The following SAMD3 variants were observed in gnomAD, a reference collection of about 807,000 sequenced individuals.
The protein encoded by SAMD3 is sterile alpha motif domain containing 3, also known as sterile alpha motif domain-containing protein 3.
In SAMD3, 63 loss-of-function variants were observed where a neutral mutation model predicts 58.5. The ratio of observed to expected loss-of-function variants is 1.08; its 90% confidence interval spans 0.88 to 1.33. The LOEUF (loss-of-function observed/expected upper bound fraction) is 1.33, where lower values mean the gene tolerates loss of function less well. SAMD3 is among the 40% of genes most tolerant of loss of function. The pLI is 0.00. For synonymous variants in SAMD3, 220 were observed against 210.3 expected (o/e 1.05, Z -0.40); for missense variants, 604 against 608.4 (o/e 0.99, Z 0.08).
intron 8 of SAMD3, among the ~76,000 whole-genome samples, chr6:130,172,336 G>A (rs1396409854): frequency 6.6e-6 from 1 of 152,148 alleles, no homozygotes; most frequent in African/African-American, 2.4e-5. Context: ...TTTTGCAGTG[G>A]CTGGTACCAG....
intron 1 of SAMD3, among the ~76,000 whole-genome samples, chr6:130,339,136 T>G (rs1777189363): frequency 6.6e-6 from 1 of 152,128 alleles, no homozygotes; most frequent in African/African-American, 2.4e-5. Context: ...AAGCTCCACC[T>G]CCCAGGTTCA....
intron 2 of SAMD3, among the ~76,000 whole-genome samples, chr6:130,304,439 G>T (rs578261048): frequency 5.9e-5 from 9 of 152,174 alleles, no homozygotes; most frequent in Admixed American, 1.3e-4. Flanking sequence ...CAAAGTGCTG[G>T]GTGAAGTGCC....
intron 5 of SAMD3, among the ~76,000 whole-genome samples, chr6:130,187,329 G>A (rs1793095662): frequency 6.6e-6 from 1 of 151,562 alleles, no homozygotes; most frequent in African/African-American, 2.4e-5. Flanking sequence ...TTCAGTGTCG[G>A]GGCGGAGACT....
intron 8 of SAMD3, among the ~76,000 whole-genome samples, chr6:130,158,404 A>G (rs927124052): frequency 3.9e-5 from 6 of 152,204 alleles, no homozygotes; most frequent in Admixed American, 3.3e-4. Context: ...GAGCCATGGA[A>G]ACAACAGAGA....
At chr6:130,297,717 C>G (rs932950408) in intron 2 of SAMD3, among the ~76,000 whole-genome samples, 1 of 152,100 alleles carries the variant, frequency 6.6e-6, no homozygotes, top group Non-Finnish European at 1.5e-5. Flanking sequence ...TAGAAACATT[C>G]CCTAAAGGAT....
intron 2 of SAMD3, among the ~76,000 whole-genome samples, chr6:130,301,919 C>T (rs1775761304): frequency 6.6e-6 from 1 of 152,056 alleles, no homozygotes; most frequent in South Asian, 2.1e-4. Context: ...AACTGGACCC[C>T]CACCTCTCAC....
At chr6:130,235,155 C>T (rs904597815) in intron 2 of SAMD3, among the ~76,000 whole-genome samples, 1 of 152,112 alleles carries the variant, frequency 6.6e-6, no homozygotes, top group Non-Finnish European at 1.5e-5. Flanking sequence ...TTTAAATTGA[C>T]AAATTGAGTT....
intron 2 of SAMD3, among the ~76,000 whole-genome samples, chr6:130,298,003 G>A (rs1775625731): frequency 6.6e-6 from 1 of 152,142 alleles, no homozygotes; most frequent in South Asian, 2.1e-4. Flanking sequence ...TGCTAGAGAA[G>A]TCAACATCCA....
At chr6:130,264,596 G>T (rs1299646111) in intron 2 of SAMD3, among the ~76,000 whole-genome samples, 5 of 152,154 alleles carry the variant, frequency 3.3e-5, no homozygotes, top group Non-Finnish European at 7.3e-5. Flanking sequence ...CCCCTTATGG[G>T]TCTTTCAACT....
At chr6:130,358,481 CTG>C (rs1225089601) in intron 1 of SAMD3, among the ~76,000 whole-genome samples, 1 of 152,250 alleles carries the variant, frequency 6.6e-6, no homozygotes, top group African/African-American at 2.4e-5. Flanking sequence ...CTTCCAAAAT[CTG>C]TCATTTATCA....
chr6:130,212,496 T>C (rs541469268), intron 4 of SAMD3, among the ~76,000 whole-genome samples: 60 of 152,320 alleles, frequency 3.9e-4, no homozygotes, highest in Middle Eastern at 3.4e-3. Context: ...TATTTCAGTC[T>C]AGGAGAAAAA....
chr6:130,242,057 T>C (rs1773377504), intron 2 of SAMD3, among the ~76,000 whole-genome samples: 1 of 152,182 alleles, frequency 6.6e-6, no homozygotes, highest in South Asian at 2.1e-4. Flanking sequence ...CTACCAAACA[T>C]ACTACCGCCA....
intron 8 of SAMD3, among the ~76,000 whole-genome samples, chr6:130,158,012 G>T (rs1789947408): frequency 6.6e-6 from 1 of 151,654 alleles, no homozygotes; most frequent in Admixed American, 6.6e-5. Flanking sequence ...AACAAAAAAT[G>T]TGGAAGACTT....
At chr6:130,325,595 T>A (rs1347262769) in intron 1 of SAMD3, among the ~76,000 whole-genome samples, 1 of 152,182 alleles carries the variant, frequency 6.6e-6, no homozygotes, top group Non-Finnish European at 1.5e-5. Context: ...CAAATGCTCA[T>A]CTCTTCTGGA....
At position 130,145,337 on chromosome 6, in the gene SAMD3, T is replaced by C; in HGVS notation, c.1278+3A>G. 6.3e-7 allele frequency: 1 copy of C among 1,580,610 alleles called. No individual in the cohort carries two copies. Among genetic ancestry groups the C allele is most frequent in the Non-Finnish European group, 8.7e-7 (1 of 1,151,056 alleles). On this transcript the variant is annotated splice_donor_region_variant and intron_variant, in intron 11 of 11. Transcript: ENST00000439090. Reference sequence around the variant, plus strand: ...AACTAGTGGCCATTCACATACTACATACCTGTTCATTCATGATGACAAAAA... The same window carrying C: ...AACTAGTGGCCATTCACATACTACACACCTGTTCATTCATGATGACAAAAA...
chr6:130,171,779 C>A (rs553087704), intron 8 of SAMD3, among the ~76,000 whole-genome samples: 5 of 152,210 alleles, frequency 3.3e-5, no homozygotes, highest in African/African-American at 1.2e-4. Flanking sequence ...TTTTCTGACT[C>A]GTTGATCTGT....
At chr6:130,166,385 T>C (rs1480130487) in intron 8 of SAMD3, among the ~76,000 whole-genome samples, 1 of 152,080 alleles carries the variant, frequency 6.6e-6, no homozygotes, top group African/African-American at 2.4e-5. Flanking sequence ...AAGAACAGTC[T>C]GTATATGCTG....
chr6:130,214,274 C>T, intron 4 of SAMD3, 63 bp downstream of exon 4: 4 of 1,340,818 alleles, frequency 3.0e-6, no homozygotes, highest in Admixed American at 2.6e-5. Flanking sequence ...CCAAACGTCA[C>T]GCTCTAGCCA....
At chr6:130,279,226 C>A in intron 2 of SAMD3, among the ~76,000 whole-genome samples, 1 of 152,260 alleles carries the variant, frequency 6.6e-6, no homozygotes, top group East Asian at 1.9e-4. Flanking sequence ...TAAATATCAT[C>A]TTAAATTGTC....
Sources: allele counts gnomAD v4.1 joint callset (sites outside exome capture counted in the v4.1 genomes callset), GRCh38; gene constraint gnomAD v4.1.1; transcripts MANE v1.5; gene names NCBI Gene and HGNC (gene_info 2026-07-23, HGNC 2026-07-21).